Variants in RAD51B observed in about 807,000 individuals in gnomAD.
The protein encoded by RAD51B is RAD51 paralog B, also known as DNA repair protein RAD51 homolog 2.
RAD51B carries 38 observed loss-of-function variants against 42.2 expected under a neutral mutation model. That is an observed-to-expected ratio of 0.90 (90% CI 0.70 to 1.18). RAD51B has a LOEUF of 1.18. Ranked by LOEUF, RAD51B falls within the 50% of genes most tolerant of loss-of-function variation. RAD51B has a pLI of 0.00. For synonymous variants in RAD51B, 154 were observed against 145.2 expected (o/e 1.06, Z -0.43); for missense variants, 373 against 400.7 (o/e 0.93, Z 0.59).
intron 7 of RAD51B, among the ~76,000 whole-genome samples, chr14:68,073,638 A>G (rs1251994739): frequency 2.0e-5 from 3 of 152,076 alleles, no homozygotes; most frequent in Non-Finnish European, 4.4e-5. Context: ...GTATTTGAGT[A>G]TATTTTTGTA....
intron 7 of RAD51B, among the ~76,000 whole-genome samples, chr14:68,200,907 C>T (rs1417249133): frequency 3.3e-5 from 5 of 152,122 alleles, no homozygotes; most frequent in African/African-American, 1.2e-4. Context: ...ATCCTCCCGC[C>T]TTGGTCTCCC....
chr14:68,039,580 A>T (rs1396882677), intron 7 of RAD51B, among the ~76,000 whole-genome samples: 1 of 152,228 alleles, frequency 6.6e-6, no homozygotes, highest in Non-Finnish European at 1.5e-5. Context: ...CAAGTGAATG[A>T]CTGAAGTTTG....
intron 7 of RAD51B, among the ~76,000 whole-genome samples, chr14:68,285,306 A>G (rs2081392867): frequency 6.6e-6 from 1 of 152,208 alleles, no homozygotes; most frequent in African/African-American, 2.4e-5. Context: ...AGGCTAGGTC[A>G]CTGTCATATA....
intron 10 of RAD51B, chr14:68,562,865 A>G (rs1566938547): frequency 3.0e-6 from 3 of 985,320 alleles, no homozygotes; most frequent in Non-Finnish European, 3.6e-6. Flanking sequence ...GCTCTGGAAG[A>G]GAGGAACTCA....
At chr14:68,001,542 A>AT (rs1428712441) in intron 7 of RAD51B, among the ~76,000 whole-genome samples, 1 of 151,990 alleles carries the variant, frequency 6.6e-6, no homozygotes, top group Non-Finnish European at 1.5e-5. Flanking sequence ...TATTTATTTG[A>AT]TTTTCAACTT....
At chr14:68,497,160 C>A (rs755294152) in intron 10 of RAD51B, 1 of 1,400,292 alleles carries the variant, frequency 7.1e-7, no homozygotes, top group South Asian at 1.2e-5. Flanking sequence ...AATGTGCAAA[C>A]CTGTTCATCT....
At chr14:68,314,267 T>TCCTGTC (rs1171252540) in intron 8 of RAD51B, among the ~76,000 whole-genome samples, 3 of 151,942 alleles carry the variant, frequency 2.0e-5, no homozygotes, top group Non-Finnish European at 4.4e-5. Context: ...CTGTGTCTTC[T>TCCTGTC]CCTGTCCCTC....
intron 8 of RAD51B, among the ~76,000 whole-genome samples, chr14:68,296,461 T>C (rs551304714): frequency 1.4e-4 from 21 of 152,320 alleles, no homozygotes; most frequent in African/African-American, 5.1e-4. Context: ...CTTATGGTCA[T>C]TGGAGATACT....
intron 7 of RAD51B, among the ~76,000 whole-genome samples, chr14:68,125,765 T>C (rs1173202666): frequency 6.6e-6 from 1 of 152,044 alleles, no homozygotes; most frequent in African/African-American, 2.4e-5. Flanking sequence ...TTTTGTTTTT[T>C]CAAAGATAAA....
chr14:67,856,807 C>A (rs547436867), intron 4 of RAD51B, among the ~76,000 whole-genome samples: 1 of 151,164 alleles, frequency 6.6e-6, no homozygotes, highest in African/African-American at 2.4e-5. Flanking sequence ...TTAACATTTT[C>A]TTCCTTGCTG....
chr14:68,391,161 TC>T, intron 8 of RAD51B, among the ~76,000 whole-genome samples: 1 of 151,800 alleles, frequency 6.6e-6, no homozygotes. Flanking sequence ...TTTCTTTCTT[TC>T]TTTCTTTCTT....
chr14:67,952,748 T>C (rs1466141684), intron 7 of RAD51B, among the ~76,000 whole-genome samples: 1 of 152,002 alleles, frequency 6.6e-6, no homozygotes, highest in Non-Finnish European at 1.5e-5. Context: ...CTTTAAGAAA[T>C]AGAACTAGTT....
At chr14:68,114,045 T>G (rs1320044793) in intron 7 of RAD51B, 1 of 152,154 alleles carries the variant, frequency 6.6e-6, no homozygotes, top group African/African-American at 2.4e-5. Context: ...GAATATTTTC[T>G]GGGATGAAAG....
intron 8 of RAD51B, among the ~76,000 whole-genome samples, chr14:68,293,628 T>G (rs11848477): frequency 0.062 from 9,456 of 152,188 alleles, 880 homozygotes; most frequent in African/African-American, 0.2. Flanking sequence ...TGCTTCCCCC[T>G]TTCACTTCTT....
At chr14:67,855,207 G>GT (rs942096880) in intron 4 of RAD51B, among the ~76,000 whole-genome samples, 1 of 148,936 alleles carries the variant, frequency 6.7e-6, no homozygotes, top group Non-Finnish European at 1.5e-5. Context: ...CAGCATCTTA[G>GT]TTTTTTCTTG....
chr14:68,062,307 T>C (rs2076579665), intron 7 of RAD51B, among the ~76,000 whole-genome samples: 2 of 152,208 alleles, frequency 1.3e-5, no homozygotes, highest in Admixed American at 1.3e-4. Context: ...AGTGTTTTAT[T>C]GAGGATTTTT....
chr14:68,541,913 GA>G (rs1426970068), intron 10 of RAD51B: 1 of 898,534 alleles, frequency 1.1e-6, no homozygotes, highest in Non-Finnish European at 1.3e-6. Flanking sequence ...ATTTTGTATA[GA>G]AGTGGTTCCC....
chr14:68,502,895 C>CTG (rs1278271245), intron 10 of RAD51B, among the ~76,000 whole-genome samples: 47 of 152,218 alleles, frequency 3.1e-4, no homozygotes, highest in Middle Eastern at 3.4e-3. Context: ...CCATATCTGC[C>CTG]AGGGAACATT....
At chr14:67,907,759 T>A (rs568808274) in intron 7 of RAD51B, among the ~76,000 whole-genome samples, 112 of 152,126 alleles carry the variant, frequency 7.4e-4, no homozygotes, top group Non-Finnish European at 1.1e-3. Context: ...GCATGTATCA[T>A]GTTGTAGAAA....
Sources: allele counts gnomAD v4.1 joint callset (sites outside exome capture counted in the v4.1 genomes callset), GRCh38; gene constraint gnomAD v4.1.1; transcripts MANE v1.5; gene names NCBI Gene and HGNC (gene_info 2026-07-23, HGNC 2026-07-21).